The following TRHDE variants were observed in gnomAD, a reference collection of about 807,000 sequenced individuals.
TRHDE encodes the protein thyrotropin-releasing hormone-degrading ectoenzyme.
Under a neutral mutation model 125.7 loss-of-function variants are expected in TRHDE, and 72 were observed. That is an observed-to-expected ratio of 0.57 (90% CI 0.47 to 0.70). The LOEUF (loss-of-function observed/expected upper bound fraction) is 0.70. Among genes scored for constraint, TRHDE ranks in the 30% least tolerant of loss-of-function variants. TRHDE has a pLI of 0.00. For missense variants in TRHDE, 1,110 were observed against 1,327.1 expected, an observed-to-expected ratio of 0.84 and a Z score of 2.54; for synonymous variants, 509 against 509.1, an observed-to-expected ratio of 1.00 and a Z score of 0.00.
At chr12:72,624,119 G>A (rs942641977) in intron 15 of TRHDE, among the ~76,000 whole-genome samples, 1 of 151,992 alleles carries the variant, frequency 6.6e-6, no homozygotes, top group Non-Finnish European at 1.5e-5. Flanking sequence ...TATCCACTAT[G>A]CTGCTAGGTG....
At chr12:72,285,695 A>G (rs990771763) in intron 1 of TRHDE, among the ~76,000 whole-genome samples, 1 of 151,500 alleles carries the variant, frequency 6.6e-6, no homozygotes, top group African/African-American at 2.4e-5. Flanking sequence ...TAATTTTTGT[A>G]CTTTCAGTAG....
At chr12:72,283,947 C>A (rs541569294) in intron 1 of TRHDE, among the ~76,000 whole-genome samples, 35 of 143,156 alleles carry the variant, frequency 2.4e-4, no homozygotes, top group African/African-American at 8.9e-4. Context: ...AATTAGACTG[C>A]AAAGGCCTTA....
At chr12:72,498,736 A>G (rs1878020667) in intron 5 of TRHDE, among the ~76,000 whole-genome samples, 1 of 152,162 alleles carries the variant, frequency 6.6e-6, no homozygotes, top group Non-Finnish European at 1.5e-5. Flanking sequence ...AACATAGCAA[A>G]TCAGCTTTCT....
At chr12:72,401,537 T>C (rs1312227755) in intron 3 of TRHDE, among the ~76,000 whole-genome samples, 1 of 152,204 alleles carries the variant, frequency 6.6e-6, no homozygotes, top group Admixed American at 6.5e-5. Context: ...CAATTGACAA[T>C]TTAAAAATGT....
chr12:72,640,369 A>G (rs1874001438), intron 15 of TRHDE, among the ~76,000 whole-genome samples: 1 of 152,224 alleles, frequency 6.6e-6, no homozygotes. Flanking sequence ...TGGCTCGCGC[A>G]CGGTGCGTGC....
intron 2 of TRHDE, among the ~76,000 whole-genome samples, chr12:72,200,634 T>C (rs993596026): frequency 3.3e-5 from 5 of 151,950 alleles, no homozygotes; most frequent in African/African-American, 1.2e-4. Flanking sequence ...TAAAAGGAGA[T>C]ATAATGAAGA....
intron 2 of TRHDE, among the ~76,000 whole-genome samples, chr12:72,363,131 A>T (rs529018383): frequency 6.6e-6 from 1 of 152,118 alleles, no homozygotes; most frequent in South Asian, 2.1e-4. Context: ...TGGGGATGGC[A>T]TTGAATCTAT....
At position 72,621,688 on chromosome 12, in the gene TRHDE, A is replaced by G. The variant is rs769930229; in HGVS notation, c.2612A>G (p.Asn871Ser). Residue 871 changes from asparagine to serine, a missense_variant, in exon 15 of 19, where the codon AAC becomes AGC. Asn to Ser is a conservative substitution (Grantham distance 46, BLOSUM62 1). Coordinates refer to ENST00000261180, the MANE Select transcript of TRHDE (RefSeq NM_013381.3). ...EVIMLACSFG[N>S]KHCHQQASTL... ...ATAATGCTGGCCTGCAGTTTTGGCAACAAGCACTGTCACCAACAGGCATCA... is the reference window on the plus strand; with the variant it reads ...ATAATGCTGGCCTGCAGTTTTGGCAGCAAGCACTGTCACCAACAGGCATCA... 1.2e-6 allele frequency: 2 copies of G among 1,608,834 alleles called. No homozygotes were observed. Among genetic ancestry groups the G allele is most frequent in the South Asian group, 1.1e-5 (1 of 90,202 alleles).
At chr12:72,128,244 A>G (rs1469515155) in intron 2 of TRHDE, among the ~76,000 whole-genome samples, 1 of 152,182 alleles carries the variant, frequency 6.6e-6, no homozygotes, top group East Asian at 1.9e-4. Context: ...TGCCTAACAC[A>G]TCTTAAAAGC....
chr12:72,136,924 T>C (rs766240992), intron 2 of TRHDE, among the ~76,000 whole-genome samples: 5 of 152,192 alleles, frequency 3.3e-5, no homozygotes, highest in Non-Finnish European at 7.3e-5. Flanking sequence ...TAAGAAAACA[T>C]TGTGATGCTT....
intron 2 of TRHDE, among the ~76,000 whole-genome samples, chr12:72,364,199 A>T (rs534589176): frequency 6.6e-6 from 1 of 152,168 alleles, no homozygotes; most frequent in Non-Finnish European, 1.5e-5. Context: ...ATACTGTTTT[A>T]TAATTTATTT....
intron 2 of TRHDE, among the ~76,000 whole-genome samples, chr12:72,122,796 C>T (rs888361250): frequency 4.6e-5 from 7 of 151,934 alleles, no homozygotes; most frequent in Non-Finnish European, 1.0e-4. Context: ...CCAAATATAT[C>T]TTTTTCGTTT....
chr12:72,107,735 A>G (rs1384656118), intron 2 of TRHDE, among the ~76,000 whole-genome samples: 1 of 151,988 alleles, frequency 6.6e-6, no homozygotes, highest in Non-Finnish European at 1.5e-5. Flanking sequence ...TACCACAGAG[A>G]CTCTGCAGGA....
In TRHDE at chr12:72,272,402, T is replaced by C. The variant is rs529050184; in HGVS notation, c.-242T>C. The C allele has an allele frequency of 2.5e-4, 102 of 413,218 alleles. No homozygotes were observed. The highest frequency in any genetic ancestry group is 3.9e-4 in the Non-Finnish European group (85 of 218,750). 25.6% of individuals were successfully genotyped at this position (413,218 alleles called of 1,614,324 possible). ...AGCGCGCGCTGGGCAAGCAAGACGC[T>C]TTCCAAGTTGGGCGCGTCCCAGAGC... On this transcript the variant is annotated 5_prime_UTR_variant, in exon 1 of 19. Transcript: ENST00000261180. The surrounding 1 kb of genome is among the most constrained non-coding windows in gnomAD (Gnocchi z 6.7).
chr12:72,298,896 T>C (rs1880402563), intron 2 of TRHDE, among the ~76,000 whole-genome samples: 1 of 152,198 alleles, frequency 6.6e-6, no homozygotes, highest in Non-Finnish European at 1.5e-5. Context: ...TTCCTGAGGA[T>C]TAAGGAATAG....
intron 3 of TRHDE, among the ~76,000 whole-genome samples, chr12:72,381,421 A>T (rs1395680773): frequency 7.3e-6 from 1 of 137,168 alleles, no homozygotes; most frequent in Non-Finnish European, 1.5e-5. Context: ...TTTGAGACGG[A>T]GTCTCGCTCT....
chr12:72,389,323 G>A (rs1188845863), intron 3 of TRHDE, among the ~76,000 whole-genome samples: 1 of 152,160 alleles, frequency 6.6e-6, no homozygotes, highest in East Asian at 1.9e-4. Flanking sequence ...AAGTGAGTGA[G>A]AGTGAAATGA....
intron 12 of TRHDE, among the ~76,000 whole-genome samples, chr12:72,608,935 T>A (rs1261690161): frequency 3.3e-5 from 5 of 152,126 alleles, no homozygotes. Flanking sequence ...GTTAGAAAAC[T>A]TTTTTGAGCC....
intron 2 of TRHDE, among the ~76,000 whole-genome samples, chr12:72,322,519 A>C (rs1458060111): frequency 6.6e-6 from 1 of 152,162 alleles, no homozygotes; most frequent in African/African-American, 2.4e-5. Context: ...CCTTTAACAG[A>C]AACAGATATC....
Sources: allele counts gnomAD v4.1 joint callset (sites outside exome capture counted in the v4.1 genomes callset), GRCh38; gene constraint gnomAD v4.1.1; non-coding constraint Gnocchi (gnomAD v3.1); transcripts MANE v1.5; gene names NCBI Gene and HGNC (gene_info 2026-07-23, HGNC 2026-07-21).